Variants in OPCML observed in about 807,000 individuals in gnomAD.
The protein encoded by OPCML is opioid-binding protein/cell adhesion molecule.
Under a neutral mutation model 37.8 loss-of-function variants are expected in OPCML, and 13 were observed. The observed-to-expected ratio is 0.34, with a 90% CI of 0.22 to 0.55. The LOEUF (loss-of-function observed/expected upper bound fraction) is 0.55. Among genes scored for constraint, OPCML ranks in the 20% least tolerant of loss-of-function variants. OPCML has a pLI of 0.91. For missense variants in OPCML, 341 were observed against 435.6 expected, an observed-to-expected ratio of 0.78 and a Z score of 1.93; for synonymous variants, 176 against 168.8, an observed-to-expected ratio of 1.04 and a Z score of -0.33.
At position 133,034,604 on chromosome 11, in the gene OPCML, G is replaced by A. The variant is rs921215948; in HGVS notation, c.62-91594C>T. Among the ~76,000 whole-genome samples the A allele has an allele frequency of 2.6e-5, 4 of 152,220 alleles. No homozygotes were observed. In the East Asian group the frequency reaches 5.8e-4, roughly 22 times the overall value. Reference sequence around the variant, plus strand: ...TTGCTGACCTTTACTGTGCCTCAACGTTCTTCAATAAAGAATGCTGCTGTA... The same window carrying A: ...TTGCTGACCTTTACTGTGCCTCAACATTCTTCAATAAAGAATGCTGCTGTA... On this transcript the variant is annotated intron_variant, in intron 1 of 7. Coordinates refer to ENST00000524381, the MANE Select transcript of OPCML (RefSeq NM_001012393.5).
At chr11:132,530,790 A>G (rs1672638057) in intron 3 of OPCML, among the ~76,000 whole-genome samples, 2 of 152,158 alleles carry the variant, frequency 1.3e-5, no homozygotes, top group Admixed American at 6.5e-5. Flanking sequence ...CTAACACAGT[A>G]CATGGCACAC....
intron 1 of OPCML, among the ~76,000 whole-genome samples, chr11:133,488,551 G>T (rs1947582678): frequency 6.6e-6 from 1 of 151,984 alleles, no homozygotes; most frequent in Non-Finnish European, 1.5e-5. Context: ...AACCAAGAAG[G>T]TGAAAGATAC....
chr11:133,392,433 T>C (rs1945192086), intron 1 of OPCML, among the ~76,000 whole-genome samples: 1 of 152,310 alleles, frequency 6.6e-6, no homozygotes. Context: ...CCTCACTGCA[T>C]TAAGCCCAAA....
intron 1 of OPCML, among the ~76,000 whole-genome samples, chr11:133,458,574 C>CGTGT (rs577466946): frequency 0.083 from 7,090 of 85,722 alleles, 1,241 homozygotes; most frequent in Admixed American, 0.12. Flanking sequence ...CATATATACA[C>CGTGT]GTGTGTGTAC....
intron 3 of OPCML, among the ~76,000 whole-genome samples, chr11:132,610,610 G>C (rs1938580732): frequency 6.6e-6 from 1 of 152,146 alleles, no homozygotes; most frequent in African/African-American, 2.4e-5. Flanking sequence ...GGAACTAGGG[G>C]AGTGGGTGGG....
chr11:132,843,107 T>C lies in OPCML; in HGVS notation c.146+99819A>G, dbSNP rs1387449927. Among the ~76,000 whole-genome samples the C allele has an allele frequency of 3.7e-4, 52 of 142,140 alleles. 2 individuals carry two copies. In the East Asian group the frequency reaches 0.01, roughly 28 times the overall value. The allele number at this position is 142,140 out of a possible 152,430, so 93.2% of individuals were successfully genotyped here. The stretch of plus-strand genomic sequence containing the variant: ...CTTTTTCTTTCTTTTTTTTTTTTTT[T>C]GAGATGGAATTTTGCTCTTGTTGTC... On this transcript the variant is annotated intron_variant, in intron 2 of 7. Transcript: ENST00000524381.
At chr11:133,354,624 A>C (rs975299633) in intron 1 of OPCML, among the ~76,000 whole-genome samples, 3 of 152,164 alleles carry the variant, frequency 2.0e-5, no homozygotes, top group Non-Finnish European at 2.9e-5. Context: ...AGTAACTGGA[A>C]GTAATAACAG....
chr11:132,429,961 C>T (rs1471690633), intron 7 of OPCML, among the ~76,000 whole-genome samples: 1 of 152,052 alleles, frequency 6.6e-6, no homozygotes, highest in Non-Finnish European at 1.5e-5. Flanking sequence ...GGTAAGGAGA[C>T]AGTCACCACC....
intron 2 of OPCML, among the ~76,000 whole-genome samples, chr11:132,780,222 G>A (rs1565858018): frequency 6.6e-6 from 1 of 152,186 alleles, no homozygotes; most frequent in East Asian, 1.9e-4. Context: ...GCTTCTGGTA[G>A]TTTGCAACAT....
chr11:132,752,274 T>C (rs569985769), intron 2 of OPCML, among the ~76,000 whole-genome samples: 1 of 149,168 alleles, frequency 6.7e-6, no homozygotes, highest in African/African-American at 2.5e-5. Flanking sequence ...AAAAAAAAAA[T>C]TAAAAGAGAG....
intron 1 of OPCML, among the ~76,000 whole-genome samples, chr11:133,369,610 G>C (rs1314667477): frequency 1.3e-5 from 2 of 152,142 alleles, no homozygotes; most frequent in East Asian, 3.8e-4. Flanking sequence ...CATGAGCTGT[G>C]TGGAACAATA....
intron 1 of OPCML, among the ~76,000 whole-genome samples, chr11:133,295,229 T>A (rs184670976): frequency 6.6e-6 from 1 of 152,314 alleles, no homozygotes; most frequent in African/African-American, 2.4e-5. Context: ...AATGCATAGG[T>A]TTAAAGATTT....
At chr11:133,104,853 A>AGGGCT (rs1949134461) in intron 1 of OPCML, among the ~76,000 whole-genome samples, 2 of 68,018 alleles carry the variant, frequency 2.9e-5, no homozygotes, top group Non-Finnish European at 6.1e-5. Context: ...AGTTAGAGTG[A>AGGGCT]AAAATATTAA....
chr11:133,439,420 T>G, intron 1 of OPCML: 2 of 985,266 alleles, frequency 2.0e-6, no homozygotes, highest in Non-Finnish European at 2.4e-6. Flanking sequence ...TAGGAAATGC[T>G]TATGAGGCCA....
At chr11:133,258,476 C>A (rs1288226551) in intron 1 of OPCML, among the ~76,000 whole-genome samples, 3 of 152,112 alleles carry the variant, frequency 2.0e-5, no homozygotes, top group African/African-American at 7.2e-5. Flanking sequence ...CTCTTCATCA[C>A]CTTAGGGCGT....
At chr11:132,909,057 A>G (rs1050840638) in intron 2 of OPCML, among the ~76,000 whole-genome samples, 1 of 152,190 alleles carries the variant, frequency 6.6e-6, no homozygotes, top group East Asian at 1.9e-4. Flanking sequence ...AGACAGAAGC[A>G]TCAGTGCGGG....
chr11:133,402,428 A>T (rs1426237756), intron 1 of OPCML, among the ~76,000 whole-genome samples: 1 of 152,174 alleles, frequency 6.6e-6, no homozygotes, highest in Admixed American at 6.5e-5. Flanking sequence ...GCCATAGCAC[A>T]GTGCATTACA....
At chr11:133,272,152 A>T (rs117667694) in intron 1 of OPCML, among the ~76,000 whole-genome samples, 1 of 151,424 alleles carries the variant, frequency 6.6e-6, no homozygotes, top group South Asian at 2.1e-4. Flanking sequence ...CAAGAGGCTC[A>T]TGTTTCTTAG....
At chr11:132,682,166 AC>A (rs1942974549) in intron 2 of OPCML, among the ~76,000 whole-genome samples, 1 of 151,884 alleles carries the variant, frequency 6.6e-6, no homozygotes. Context: ...GCACCCTCTC[AC>A]CTGAGTGCTC....
Sources: gnomAD v4.1 joint callset for allele counts (sites outside exome capture counted in the v4.1 genomes callset) on GRCh38, gnomAD v4.1.1 for gene constraint, MANE v1.5 for transcripts, NCBI Gene and HGNC (gene_info 2026-07-23, HGNC 2026-07-21) for gene names.